NCOR1: variants seen among roughly 807,000 people sequenced by gnomAD.
The protein encoded by NCOR1 is nuclear receptor corepressor 1, also known as protein phosphatase 1, regulatory subunit 109.
In NCOR1, 63 loss-of-function variants were observed where a neutral mutation model predicts 288.1. The observed-to-expected ratio is 0.22, with a 90% CI of 0.18 to 0.27. NCOR1 has a LOEUF of 0.27. Ranked by LOEUF, NCOR1 falls within the 10% of genes least tolerant of loss-of-function variation. The probability of loss-of-function intolerance (pLI) is 1.00; values close to 1 mark genes in which losing one functional copy is unlikely to be tolerated. For synonymous variants in NCOR1, 1,007 were observed against 1,065.9 expected, an observed-to-expected ratio of 0.94 and a Z score of 1.08; for missense variants, 2,397 against 3,019.2, an observed-to-expected ratio of 0.79 and a Z score of 4.83.
chr17:16,054,250 C>T (rs553817092), intron 40 of NCOR1, among the ~76,000 whole-genome samples: 14 of 152,142 alleles, frequency 9.2e-5, no homozygotes, highest in Admixed American at 7.9e-4. Flanking sequence ...AGGAAACTGT[C>T]AACAGAGTGA....
chr17:16,082,211 G>C lies in NCOR1; in HGVS notation c.3178-1484C>G, dbSNP rs542575807. ...AAGCTCTGAAAAGAAAAGTGGGGGT[G>C]GGGGGGATCCAAGTTCCAGAGTTGC... On this transcript the variant is annotated intron_variant, in intron 23 of 45. Transcript: ENST00000268712. Among the ~76,000 whole-genome samples the C allele has an allele frequency of 2.6e-5, 4 of 151,984 alleles. No homozygotes were observed. The South Asian group carries it at 8.3e-4, about 32-fold the overall frequency.
At chr17:16,208,616 C>A (rs1044609388) in intron 1 of NCOR1, among the ~76,000 whole-genome samples, 20 of 151,632 alleles carry the variant, frequency 1.3e-4, no homozygotes, top group Admixed American at 3.3e-4. Context: ...TTCAGGAGGC[C>A]AAGGTGGGAG....
At chr17:16,093,376 T>C (rs573837296) in intron 21 of NCOR1, among the ~76,000 whole-genome samples, 8 of 152,310 alleles carry the variant, frequency 5.3e-5, no homozygotes, top group Non-Finnish European at 8.8e-5. Context: ...CAATAAAACA[T>C]GGTGATACCC....
intron 3 of NCOR1, among the ~76,000 whole-genome samples, chr17:16,173,012 C>G (rs2083406294): frequency 6.6e-6 from 1 of 152,120 alleles, no homozygotes; most frequent in Non-Finnish European, 1.5e-5. Flanking sequence ...CTCACTGCAA[C>G]CTCCACCTCC....
At chr17:16,044,590 C>T (rs1320544210) in intron 42 of NCOR1, 7 of 550,554 alleles carry the variant, frequency 1.3e-5, no homozygotes, top group Middle Eastern at 5.9e-4. Context: ...CCACCACGTC[C>T]GGCAGCGCCA....
intron 3 of NCOR1, among the ~76,000 whole-genome samples, chr17:16,180,514 G>A (rs1345877319): frequency 2.0e-5 from 3 of 152,170 alleles, no homozygotes; most frequent in African/African-American, 7.2e-5. Flanking sequence ...ACTTTGGGAG[G>A]CTGAGGCAGA....
At chr17:16,114,160 A>AAAAAAAC (rs1555667908) in intron 18 of NCOR1, among the ~76,000 whole-genome samples, 27,309 of 106,598 alleles carry the variant, frequency 0.26, 6,269 homozygotes, top group Non-Finnish European at 0.36. Flanking sequence ...AAAAAAAAAA[A>AAAAAAAC]AAAAAAAAAC....
intron 3 of NCOR1, among the ~76,000 whole-genome samples, chr17:16,179,674 A>G (rs547668599): frequency 6.6e-6 from 1 of 152,356 alleles, no homozygotes; most frequent in East Asian, 1.9e-4. Context: ...GGACATCACA[A>G]GAAAACAAAA....
chr17:16,143,014 C>T (rs1420786783), intron 11 of NCOR1, among the ~76,000 whole-genome samples: 7 of 152,148 alleles, frequency 4.6e-5, no homozygotes, highest in African/African-American at 1.7e-4. Context: ...TATTCTCATT[C>T]ACCTGCCCCT....
intron 35 of NCOR1, among the ~76,000 whole-genome samples, chr17:16,063,693 A>T (rs2060793624): frequency 6.6e-6 from 1 of 152,138 alleles, no homozygotes. Flanking sequence ...AAGATGCTAC[A>T]CAAGCTGCTA....
intron 22 of NCOR1, among the ~76,000 whole-genome samples, chr17:16,088,840 A>G (rs889536808): frequency 1.3e-5 from 2 of 152,168 alleles, no homozygotes; most frequent in African/African-American, 2.4e-5. Context: ...ACCACAGTGC[A>G]ATAGTGTCTC....
At chr17:16,092,291 A>G (rs1022440279) in intron 21 of NCOR1, among the ~76,000 whole-genome samples, 4 of 152,054 alleles carry the variant, frequency 2.6e-5, no homozygotes, top group African/African-American at 9.7e-5. Context: ...GGAGTTCAAG[A>G]CCAGCCTGGC....
Position 16,070,508 on chromosome 17 carries a change from A to C in NCOR1, c.4170T>G (p.Phe1390Leu), listed in dbSNP as rs2061620972. 1.2e-6 allele frequency: 2 copies of C among 1,613,914 alleles called. No individual in the cohort carries two copies. The highest frequency in any genetic ancestry group is 1.7e-6 in the Non-Finnish European group (2 of 1,179,900). The stretch of plus-strand genomic sequence containing the variant: ...TGGCAGATTGACCTGAGTTGTTGTC[A>C]AACTTTATTGGTGTGCCCTAAAGGG... ...GSISQGTPIKFDNNSGQSAIK... is the reference protein window; with the variant it reads ...GSISQGTPIKLDNNSGQSAIK... The change falls in exon 31 of 46, where the codon TTT (phenylalanine) becomes TTG (leucine). Residue 1390 changes from phenylalanine to leucine, a missense_variant. Phe to Leu is a conservative substitution (Grantham distance 22). Around this residue, in one of 11 missense-constraint regions of NCOR1, gnomAD observed 1,872 missense variants for 2,187.8 expected, o/e 0.86. Transcript: ENST00000268712.
At position 16,073,331 on chromosome 17, in the gene NCOR1, T is replaced by C. The variant is rs919088767; in HGVS notation, c.3811+98A>G. ...ACTTAATATAAATATACATTTCAGG[T>C]GGAAATGACAGAAATTGCATACAAC... is the stretch of plus-strand genomic sequence containing the variant. On this transcript the variant is annotated intron_variant, in intron 28 of 45. Transcript: ENST00000268712. The C allele has an allele frequency of 1.7e-5, 18 of 1,070,810 alleles. No individual in the cohort carries two copies. The African/African-American group carries it at 2.5e-4, about 15-fold the overall frequency. The allele number at this position is 1,070,810 out of a possible 1,614,324, so 66.3% of individuals were successfully genotyped here.
chr17:16,081,615 A>T (rs562160337), intron 23 of NCOR1, among the ~76,000 whole-genome samples: 16 of 152,260 alleles, frequency 1.1e-4, no homozygotes, highest in African/African-American at 3.4e-4. Context: ...TCATTGTTTG[A>T]CTTCTCTGTT....
At chr17:16,071,720 C>A (rs2061783026) in intron 29 of NCOR1, 55 bp from the exon 30 acceptor site, 2 of 1,512,898 alleles carry the variant, frequency 1.3e-6, no homozygotes, top group East Asian at 2.3e-5. Flanking sequence ...CACAACAATG[C>A]CACGGAACTG....
At chr17:16,145,929 G>C (rs2077922784) in intron 10 of NCOR1, among the ~76,000 whole-genome samples, 1 of 150,854 alleles carries the variant, frequency 6.6e-6, no homozygotes, top group Non-Finnish European at 1.5e-5. Context: ...GGACATGGGA[G>C]ACTCCATTTT....
chr17:16,196,749 C>T lies in NCOR1; in HGVS notation c.-70-2110G>A, dbSNP rs187601599. 4.7e-3 allele frequency among the ~76,000 whole-genome samples: 698 copies of T among 147,838 alleles called. 5 individuals are homozygous for T. The highest frequency in any genetic ancestry group is 0.016 in the African/African-American group (654 of 39,956). ...CTGAGGCAGGAGAATGGCGTGAACC[C>T]GGGAGGCGGAGCTTGCCGTGAGCCA... On this transcript the variant is annotated intron_variant, in intron 1 of 45. Transcript: ENST00000268712.
Position 16,121,161 on chromosome 17 carries a change from A to C in NCOR1, c.1743T>G (p.Arg581=), listed in dbSNP as rs977199017. ...TCATGGACCTGGTGATCCGGCCCTTACGGCGGCCCTGACTGTTGGCAGTCT... is the reference window on the plus strand; with the variant it reads ...TCATGGACCTGGTGATCCGGCCCTTCCGGCGGCCCTGACTGTTGGCAGTCT... The part of the protein sequence containing the change: ...GRKTANSQGR[R]KGRITRSMTN... Residue 581 remains arginine (R), a synonymous_variant, in exon 16 of 46, where the codon CGT becomes CGG. Transcript: ENST00000268712. 2 of 1,614,088 alleles carry C rather than the reference A, an allele frequency of 1.2e-6. No individual in the cohort carries two copies. Among genetic ancestry groups the C allele is most frequent in the African/African-American group, 1.3e-5 (1 of 75,016 alleles).
Sources: allele counts gnomAD v4.1 joint callset (sites outside exome capture counted in the v4.1 genomes callset), GRCh38; gene constraint gnomAD v4.1.1; regional missense constraint gnomAD v4.1.1; transcripts MANE v1.5; gene names NCBI Gene and HGNC (gene_info 2026-07-23, HGNC 2026-07-21).